Variants in FGFR3 observed in about 807,000 individuals in gnomAD.
FGFR3 encodes the protein fibroblast growth factor receptor 3, also known as FGFR-3.
In FGFR3, 25 loss-of-function variants were observed where a neutral mutation model predicts 82.9. That is an observed-to-expected ratio of 0.30 (90% CI 0.22 to 0.42). The LOEUF (loss-of-function observed/expected upper bound fraction) is 0.42. FGFR3 is among the 10% of genes least tolerant of loss of function. The pLI is 1.00. For missense variants in FGFR3, 1,026 were observed against 1,161.0 expected (o/e 0.88, Z 1.69); for synonymous variants, 620 against 516.0 (o/e 1.20, Z -2.73).
chr4:1,803,584 G>GT, intron 7 of FGFR3, 108 bp from the exon 8 acceptor site: 1 of 1,519,476 alleles, frequency 6.6e-7, no homozygotes, highest in Non-Finnish European at 8.8e-7. Flanking sequence ...TGAGGAGTTG[G>GT]TGGTGGCGGC....
At chr4:1,798,820 G>A (rs1374638172) in intron 2 of FGFR3, among the ~76,000 whole-genome samples, 2 of 152,184 alleles carry the variant, frequency 1.3e-5, no homozygotes, top group African/African-American at 2.4e-5. Flanking sequence ...GCAAAGGGCA[G>A]CCTGTCCCCT....
chr4:1,800,741 G>C (rs1355106525), intron 4 of FGFR3, among the ~76,000 whole-genome samples: 1 of 152,160 alleles, frequency 6.6e-6, no homozygotes, highest in Non-Finnish European at 1.5e-5. Flanking sequence ...TCCTTGCCTG[G>C]AGTCCCGGCA....
At chr4:1,800,767 C>G (rs376781509) in intron 4 of FGFR3, among the ~76,000 whole-genome samples, 1 of 152,164 alleles carries the variant, frequency 6.6e-6, no homozygotes, top group East Asian at 1.9e-4. Context: ...GCAGCACCAG[C>G]CCTGAGGAAG....
chr4:1,805,951 C>A lies in FGFR3; in HGVS notation c.1836+11C>A, dbSNP rs112949422. ...TTGGCCTCCCAGAAGGTGGGCAGGG[C>A]GGCAGGTGTGGGTGGAGTAGGCTGG... On this transcript the variant is annotated intron_variant, in intron 13 of 17. Coordinates refer to ENST00000440486, the MANE Select transcript of FGFR3 (RefSeq NM_000142.5). 58 of 1,607,170 alleles carry A rather than the reference C, an allele frequency of 3.6e-5. No individual in the cohort carries two copies. The African/African-American group carries it at 5.2e-4, about 14-fold the overall frequency.
rs144675978 is a variant in FGFR3 at position 1,802,010 on chromosome 4, C to G, written c.915C>G (p.Tyr305Ter). ...AGGTGGGCCCGGACGGCACACCCTA[C>G]GTTACCGTGCTCAAGGTGGGCCACC... is the stretch of plus-strand genomic sequence containing the variant. ...GSKVGPDGTPYVTVLKTAGAN... is the reference protein window; with the variant it reads ...GSKVGPDGTP Residue 305 changes from tyrosine to a stop codon, truncating the protein, a stop_gained, in exon 7 of 18, where the codon TAC (tyrosine) becomes TAG (stop). Transcript: ENST00000440486. LOFTEE classifies it high-confidence loss of function. The G allele has an allele frequency of 6.2e-7, 1 of 1,612,142 alleles. No homozygotes were observed. Among genetic ancestry groups the G allele is most frequent in the Non-Finnish European group, 8.5e-7 (1 of 1,179,666 alleles).
intron 8 of FGFR3, 134 bp downstream of exon 8, chr4:1,803,970 C>CGCTTCT: frequency 9.1e-7 from 1 of 1,099,656 alleles, no homozygotes; most frequent in Non-Finnish European, 1.4e-6. Flanking sequence ...ACTCCTGGCC[C>CGCTTCT]TGTGCCCAGT....
At chr4:1,796,218 C>T (rs1051630611) in intron 2 of FGFR3, among the ~76,000 whole-genome samples, 1 of 152,120 alleles carries the variant, frequency 6.6e-6, no homozygotes, top group Non-Finnish European at 1.5e-5. Flanking sequence ...GCTCGGGTGC[C>T]CTCTTCGAAC....
At position 1,804,450 on chromosome 4, in the gene FGFR3, G is replaced by A. The variant is rs761896295; in HGVS notation, c.1196G>A (p.Arg399His). The change falls in exon 9 of 18, where the codon CGC (arginine) becomes CAC (histidine). Residue 399 changes from arginine (R) to histidine (H), a missense_variant. Arg to His is a conservative substitution (Grantham distance 29). Around this residue, in one of 9 missense-constraint regions of FGFR3, gnomAD observed 256 missense variants for 217.6 expected, o/e 1.18. Coordinates refer to ENST00000440486, the MANE Select transcript of FGFR3 (RefSeq NM_000142.5). ...VVAAVTLCRLRSPPKKGLGSP... is the reference protein window; with the variant it reads ...VVAAVTLCRLHSPPKKGLGSP... ...GCGGCTGTGACGCTCTGCCGCCTGC[G>A]CAGCCCCCCCAAGAAAGGCCTGGGC... The A allele has an allele frequency of 2.2e-5, 36 of 1,612,690 alleles. No individual in the cohort carries two copies. The highest frequency in any genetic ancestry group is 2.5e-5 in the Non-Finnish European group (30 of 1,179,704).
At chr4:1,796,763 G>C (rs981187162) in intron 2 of FGFR3, among the ~76,000 whole-genome samples, 1 of 152,148 alleles carries the variant, frequency 6.6e-6, no homozygotes, top group Non-Finnish European at 1.5e-5. Context: ...TCAGTCTTGG[G>C]GCCAGAGACC....
chr4:1,808,393 G>A lies in FGFR3; in HGVS notation c.*1131G>A, dbSNP rs1025005850. 5 of 232,336 alleles carry A rather than the reference G, an allele frequency of 2.2e-5. No individual in the cohort carries two copies. The highest frequency in any genetic ancestry group is 3.4e-5 in the Non-Finnish European group (4 of 117,448). 14.4% of individuals were successfully genotyped at this position (232,336 alleles called of 1,614,324 possible). ...AGATTTCTATAGGATTTTTCTTTAG[G>A]AGATTTATTTTTTGGACTTCAAAGC... On this transcript the variant is annotated 3_prime_UTR_variant, in exon 18 of 18. Transcript: ENST00000440486.
chr4:1,799,347 C>A lies in FGFR3; in HGVS notation c.203C>A (p.Pro68His). ...AGCTGTCCCCCGCCCGGGGGTGGTCCCATGGGGCCCACTGTCTGGGTCAAG... is the reference window on the plus strand; with the variant it reads ...AGCTGTCCCCCGCCCGGGGGTGGTCACATGGGGCCCACTGTCTGGGTCAAG... ...ELSCPPPGGG[P>H]MGPTVWVKDG... Residue 68 changes from proline to histidine, a missense_variant, in exon 3 of 18, where the codon CCC becomes CAC. Pro to His is a moderately conservative substitution (Grantham distance 77). Coordinates refer to ENST00000440486, the MANE Select transcript of FGFR3 (RefSeq NM_000142.5). 6.2e-7 allele frequency: 1 copy of A among 1,612,560 alleles called. No individual in the cohort carries two copies. The highest frequency in any genetic ancestry group is 8.5e-7 in the Non-Finnish European group (1 of 1,179,882).
At chr4:1,802,120 T>A in intron 7 of FGFR3, 95 bp downstream of exon 7, 1 of 1,387,292 alleles carries the variant, frequency 7.2e-7, no homozygotes, top group Non-Finnish European at 1.0e-6. Flanking sequence ...GATTTGGGTC[T>A]AGGGGTTGGA....
rs1720143385 is a variant in FGFR3, at chr4:1,793,917, G to C, written c.-18G>C. On this transcript the variant is annotated 5_prime_UTR_variant, in exon 2 of 18. Coordinates refer to ENST00000440486, the MANE Select transcript of FGFR3 (RefSeq NM_000142.5). ...CCCGCGCGCGCTGCCTGAGGACGCC[G>C]CGGCCCCCGCCCCCGCCATGGGCGC... 1.7e-6 allele frequency: 2 copies of C among 1,198,796 alleles called. No homozygotes were observed. Among genetic ancestry groups the C allele is most frequent in the East Asian group, 7.1e-5 (2 of 28,294 alleles). 74.3% of individuals were successfully genotyped at this position (1,198,796 alleles called of 1,614,324 possible).
chr4:1,804,580 A>G, intron 9 of FGFR3, 60 bp downstream of exon 9: 3 of 1,594,446 alleles, frequency 1.9e-6, no homozygotes, highest in South Asian at 2.2e-5. Flanking sequence ...CTGGAGCCCC[A>G]CCTCGGCCCA....
At chr4:1,799,716 G>C (rs779411548) in intron 3 of FGFR3, 31 bp from the exon 4 acceptor site, 1 of 1,611,980 alleles carries the variant, frequency 6.2e-7, no homozygotes, top group South Asian at 1.1e-5. Flanking sequence ...GGGCAGGTTG[G>C]GCATTGGTTG....
In FGFR3 at chr4:1,801,220, C is replaced by T. The variant is rs570491284; in HGVS notation, c.446-147C>T. 1.4e-5 allele frequency: 12 copies of T among 865,194 alleles called. No individual in the cohort carries two copies. In the African/African-American group the frequency reaches 1.8e-4, roughly 13 times the overall value. 53.6% of individuals were successfully genotyped at this position (865,194 alleles called of 1,614,324 possible). ...CCGGGGAGGGGACAAGATGTGGAGG[C>T]TCCTGGGAACCTCATCCCGCCCTCT... On this transcript the variant is annotated intron_variant, in intron 4 of 17. Coordinates refer to ENST00000440486, the MANE Select transcript of FGFR3 (RefSeq NM_000142.5).
rs1373123144 is a variant in FGFR3, at chr4:1,793,928, C to T, written c.-7C>T. ...TGCCTGAGGACGCCGCGGCCCCCGC[C>T]CCCGCCATGGGCGCCCCTGCCTGCG... On this transcript the variant is annotated 5_prime_UTR_variant, in exon 2 of 18. Transcript: ENST00000440486. 7.8e-7 allele frequency: 1 copy of T among 1,277,912 alleles called. No individual in the cohort carries two copies. Among genetic ancestry groups the T allele is most frequent in the Non-Finnish European group, 1.0e-6 (1 of 997,626 alleles). The allele number at this position is 1,277,912 out of a possible 1,614,324, so 79.2% of individuals were successfully genotyped here.
Position 1,801,586 on chromosome 4 carries a change from C to G in FGFR3, c.616-34C>G, listed in dbSNP as rs750433241. The stretch of plus-strand genomic sequence containing the variant: ...GCCTGGCAGGCGCGGTGGTTGCTGC[C>G]TCCGCTCACTCACCCGCCCGCGTCC... On this transcript the variant is annotated intron_variant, in intron 5 of 17. Transcript: ENST00000440486. 12 of 1,590,492 alleles carry G rather than the reference C, an allele frequency of 7.5e-6. No individual in the cohort carries two copies. The Admixed American group carries it at 2.1e-4, about 28-fold the overall frequency.
Position 1,801,977 on chromosome 4 carries a change from T to C in FGFR3, c.882T>C (p.Asn294=), listed in dbSNP as rs2234909. ...HIQWLKHVEV[N]GSKVGPDGTP... ...AGTGGCTCAAGCACGTGGAGGTGAATGGCAGCAAGGTGGGCCCGGACGGCA... is the reference window on the plus strand; with the variant it reads ...AGTGGCTCAAGCACGTGGAGGTGAACGGCAGCAAGGTGGGCCCGGACGGCA... The change falls in exon 7 of 18, where the codon AAT becomes AAC. Residue 294 remains asparagine (N), a synonymous_variant. Coordinates refer to ENST00000440486, the MANE Select transcript of FGFR3 (RefSeq NM_000142.5). The C allele has an allele frequency of 0.16, 250,566 of 1,612,450 alleles. 21,902 individuals are homozygous for C. The highest frequency in any genetic ancestry group is 0.36 in the African/African-American group (26,777 of 74,938).
Sources: allele counts gnomAD v4.1 joint callset (sites outside exome capture counted in the v4.1 genomes callset), GRCh38; gene constraint gnomAD v4.1.1; regional missense constraint gnomAD v4.1.1; transcripts MANE v1.5; gene names NCBI Gene and HGNC (gene_info 2026-07-23, HGNC 2026-07-21).